MTFMT: variants seen among roughly 807,000 people sequenced by gnomAD.
MTFMT encodes methionyl-tRNA formyltransferase, mitochondrial.
Under a neutral mutation model 51.8 loss-of-function variants are expected in MTFMT, and 47 were observed. The observed-to-expected ratio is 0.91, with a 90% confidence interval of 0.72 to 1.16. MTFMT has a LOEUF of 1.16. MTFMT is among the 50% of genes most tolerant of loss of function. The probability of loss-of-function intolerance (pLI) is 0.00; values close to 1 mark genes in which losing one functional copy is unlikely to be tolerated. For synonymous variants in MTFMT, 196 were observed against 176.7 expected (o/e 1.11, Z -0.87); for missense variants, 512 against 482.3 (o/e 1.06, Z -0.58).
At chr15:65,010,779 CA>C in intron 6 of MTFMT, among the ~76,000 whole-genome samples, 1 of 152,264 alleles carries the variant, frequency 6.6e-6, no homozygotes, top group African/African-American at 2.4e-5. Flanking sequence ...GAGGAACTGC[CA>C]AACTGTTTTC....
intron 5 of MTFMT, among the ~76,000 whole-genome samples, chr15:65,017,955 T>A (rs928649619): frequency 6.6e-6 from 1 of 152,142 alleles, no homozygotes; most frequent in Admixed American, 6.6e-5. Context: ...GTTTGCTTAT[T>A]TTGGCAAAAG....
Position 65,020,276 on chromosome 15 carries a change from CAAA to C in MTFMT, c.646-7_646-5del, listed in dbSNP as rs372515409. 133 of 1,326,150 alleles carry C rather than the reference CAAA, an allele frequency of 1.0e-4. No homozygotes were observed. Among genetic ancestry groups the C allele is most frequent in the South Asian group, 4.5e-4 (34 of 75,754 alleles). The allele number at this position is 1,326,150 out of a possible 1,614,324, so 82.1% of individuals were successfully genotyped here. A position where few individuals can be genotyped will look rare whatever the true frequency, so the allele number is the denominator to read the frequency against. On this transcript the variant is annotated splice_polypyrimidine_tract_variant and splice_region_variant and intron_variant, in intron 4 of 8. Transcript: ENST00000220058. ...AATTTTTCAAAACTGAAATGAGCTA[CAAA>C]AAAAAAAAAAAGAGTGTGATATATT...
chr15:65,017,482 GTTAA>G (rs1446709956), intron 5 of MTFMT, among the ~76,000 whole-genome samples: 2 of 152,112 alleles, frequency 1.3e-5, no homozygotes, highest in African/African-American at 4.8e-5. Flanking sequence ...CATCTGTTGG[GTTAA>G]TTATGATATA....
intron 2 of MTFMT, among the ~76,000 whole-genome samples, chr15:65,024,906 A>C (rs2086408553): frequency 6.6e-6 from 1 of 152,228 alleles, no homozygotes; most frequent in African/African-American, 2.4e-5. Context: ...TGAAGAAGGA[A>C]ATAACTACGC....
intron 6 of MTFMT, among the ~76,000 whole-genome samples, chr15:65,011,220 G>A (rs1461000297): frequency 1.3e-5 from 2 of 152,240 alleles, no homozygotes; most frequent in South Asian, 4.1e-4. Flanking sequence ...TACTAGGGAG[G>A]CTGAGGCAGG....
intron 6 of MTFMT, among the ~76,000 whole-genome samples, chr15:65,013,698 T>C (rs1025329091): frequency 6.6e-6 from 1 of 152,128 alleles, no homozygotes; most frequent in Non-Finnish European, 1.5e-5. Flanking sequence ...AATGCCAGCA[T>C]GTTGGGAGGC....
rs2086323792 is a variant in MTFMT at position 65,016,543 on chromosome 15, A to G, written c.722-16T>C. The G allele has an allele frequency of 6.4e-7, 1 of 1,564,124 alleles. No individual in the cohort carries two copies. Among genetic ancestry groups the G allele is most frequent in the Non-Finnish European group, 8.8e-7 (1 of 1,135,564 alleles). On this transcript the variant is annotated splice_polypyrimidine_tract_variant and intron_variant, in intron 5 of 8. Coordinates refer to ENST00000220058, the MANE Select transcript of MTFMT (RefSeq NM_139242.4). ...ATCTTAGGGGCTACAAGATAAAACC[A>G]AGAGCAAAAATGAACATCAGGGTCA...
At chr15:65,016,098 A>G (rs1255131271) in intron 6 of MTFMT, 1 of 161,886 alleles carries the variant, frequency 6.2e-6, no homozygotes. Context: ...TAGGAGTGAG[A>G]AGATTTAAGT....
At position 65,001,836 on chromosome 15, in the gene MTFMT, A is replaced by G. The variant is rs956720057; in HGVS notation, c.*1226T>C. 2 of 152,000 alleles carry G rather than the reference A, an allele frequency of 1.3e-5. No individual in the cohort carries two copies. The highest frequency in any genetic ancestry group is 1.3e-4 in the Admixed American group (2 of 15,260). The allele number at this position is 152,000 out of a possible 1,614,324, so 9.4% of individuals were successfully genotyped here. A position where few individuals can be genotyped will look rare whatever the true frequency, so the allele number is the denominator to read the frequency against. On this transcript the variant is annotated 3_prime_UTR_variant, in exon 9 of 9. Coordinates refer to ENST00000220058, the MANE Select transcript of MTFMT (RefSeq NM_139242.4). ...AGTGTTTCACGCCACTGGACTCCAG[A>G]CTGTGTGAGAGAGCAAGACCCCATC... is the stretch of plus-strand genomic sequence containing the variant.
At position 65,006,019 on chromosome 15, in the gene MTFMT, A is replaced by G. The variant is rs181096264; in HGVS notation, c.892+94T>C. The stretch of plus-strand genomic sequence containing the variant: ...ACTGAACTGAAACAAACTAAAAGTT[A>G]TTTTTAGTAATTGTGACATATGATA... On this transcript the variant is annotated intron_variant, in intron 7 of 8. Transcript: ENST00000220058. 3.3e-5 allele frequency: 27 copies of G among 813,804 alleles called. No homozygotes were observed. In the East Asian group the frequency reaches 7.1e-4, roughly 21 times the overall value. 50.4% of individuals were successfully genotyped at this position (813,804 alleles called of 1,614,324 possible).
In MTFMT at chr15:65,020,194, C is replaced by G; in HGVS notation, c.721+3G>C. The stretch of plus-strand genomic sequence containing the variant: ...GATGAGAGTCTCTGCAGCCTTCACT[C>G]ACCGTAAGTCGCCCCCTCCATTGGC... On this transcript the variant is annotated splice_donor_region_variant and intron_variant, in intron 5 of 8. Coordinates refer to ENST00000220058, the MANE Select transcript of MTFMT (RefSeq NM_139242.4). The G allele has an allele frequency of 6.2e-7, 1 of 1,611,310 alleles. No individual in the cohort carries two copies. The highest frequency in any genetic ancestry group is 8.5e-7 in the Non-Finnish European group (1 of 1,179,090).
rs764992836 is a variant in MTFMT at position 65,026,970 on chromosome 15, G to C, written c.280C>G (p.Leu94Val). Residue 94 changes from leucine to valine, a missense_variant, in exon 2 of 9, where the codon CTG becomes GTG. Coordinates refer to ENST00000220058, the MANE Select transcript of MTFMT (RefSeq NM_139242.4). ...VTMPSPSPKG[L>V]PVKQYAVQSQ... ...TGCACAGCATATTGCTTCACTGGCAGTCCTTTTGGTGATGGGGAAGGCATT... is the reference window on the plus strand; with the variant it reads ...TGCACAGCATATTGCTTCACTGGCACTCCTTTTGGTGATGGGGAAGGCATT... The C allele has an allele frequency of 1.2e-6, 2 of 1,614,024 alleles. No individual in the cohort carries two copies. The highest frequency in any genetic ancestry group is 8.5e-7 in the Non-Finnish European group (1 of 1,179,886).
In MTFMT at chr15:65,029,578, C is replaced by T; in HGVS notation, c.36G>A (p.Pro12=). ...TCCCACGCCTGGCGCCATGAGCCAG[C>T]GGAGGACCCCAACAGCGCCGCACCA... The part of the protein sequence containing the change: ...RVLVRRCWGP[P]LAHGARRGRP... The change falls in exon 1 of 9, where the codon CCG becomes CCA. Residue 12 remains proline, a synonymous_variant. Coordinates refer to ENST00000220058, the MANE Select transcript of MTFMT (RefSeq NM_139242.4). 1 of 1,497,682 alleles carries T rather than the reference C, an allele frequency of 6.7e-7. No individual in the cohort carries two copies. Among genetic ancestry groups the T allele is most frequent in the South Asian group, 1.3e-5 (1 of 79,842 alleles). The allele number at this position is 1,497,682 out of a possible 1,614,324, so 92.8% of individuals were successfully genotyped here. A position where few individuals can be genotyped will look rare whatever the true frequency, so the allele number is the denominator to read the frequency against.
In MTFMT at chr15:65,029,598, G is replaced by A. The variant is rs199599204; in HGVS notation, c.16C>T (p.Arg6Trp). The A allele has an allele frequency of 9.3e-3, 13,227 of 1,429,500 alleles. 80 individuals are homozygous for A. The highest frequency in any genetic ancestry group is 0.011 in the Non-Finnish European group (11,789 of 1,087,102). The allele number at this position is 1,429,500 out of a possible 1,614,324, so 88.6% of individuals were successfully genotyped here. A position where few individuals can be genotyped will look rare whatever the true frequency, so the allele number is the denominator to read the frequency against. The change falls in exon 1 of 9, where the codon CGG becomes TGG. Residue 6 changes from arginine (R) to tryptophan (W), a missense_variant. By Grantham distance (101) the Arg-to-Trp change is moderately radical. Coordinates refer to ENST00000220058, the MANE Select transcript of MTFMT (RefSeq NM_139242.4). MRVLVRRCWGPPLAHG... is the reference protein window; with the variant it reads MRVLVWRCWGPPLAHG... Reference sequence around the variant, plus strand: ...GCCAGCGGAGGACCCCAACAGCGCCGCACCAACACCCTCATCGCCTCGGCC... The same window carrying A: ...GCCAGCGGAGGACCCCAACAGCGCCACACCAACACCCTCATCGCCTCGGCC...
At chr15:65,020,060 T>C in intron 5 of MTFMT, 137 bp downstream of exon 5, 1 of 731,120 alleles carries the variant, frequency 1.4e-6, no homozygotes, top group Non-Finnish European at 2.2e-6. Flanking sequence ...CTTTCTACCA[T>C]TCTTTGGAAA....
At position 65,026,805 on chromosome 15, in the gene MTFMT, T is replaced by C. The variant is rs190702635; in HGVS notation, c.419+26A>G. On this transcript the variant is annotated intron_variant, in intron 2 of 8. Transcript: ENST00000220058. Reference sequence around the variant, plus strand: ...TTTATAAAGACCAAGGTTTCTATACTGTATTTCCTTACAAATAAAACTTAC... The same window carrying C: ...TTTATAAAGACCAAGGTTTCTATACCGTATTTCCTTACAAATAAAACTTAC... 6.1e-5 allele frequency: 97 copies of C among 1,592,686 alleles called. No individual in the cohort carries two copies. The East Asian group carries it at 1.8e-3, about 30-fold the overall frequency.
rs563357274 is a variant in MTFMT, at chr15:65,020,813, G to A, written c.646-541C>T. 4.3e-4 allele frequency among the ~76,000 whole-genome samples: 66 copies of A among 152,308 alleles called. No individual in the cohort carries two copies. The South Asian group carries it at 0.013, about 30-fold the overall frequency. ...ACAGCAACAACTACCTCAAAGTTGA[G>A]AGGGTAAAAAGAAAAAGTCCATACA... is the stretch of plus-strand genomic sequence containing the variant. On this transcript the variant is annotated intron_variant, in intron 4 of 8. Transcript: ENST00000220058.
At chr15:65,014,593 T>C (rs1254787628) in intron 6 of MTFMT, among the ~76,000 whole-genome samples, 1 of 151,630 alleles carries the variant, frequency 6.6e-6, no homozygotes, top group Non-Finnish European at 1.5e-5. Context: ...CCCAAAGTGC[T>C]GAGATAACAG....
intron 1 of MTFMT, among the ~76,000 whole-genome samples, chr15:65,027,769 A>G (rs1381884302): frequency 6.6e-6 from 1 of 152,234 alleles, no homozygotes; most frequent in Non-Finnish European, 1.5e-5. Context: ...GAAGGAACTG[A>G]AAACAGTGGC....
Sources: gnomAD v4.1 joint callset for allele counts (sites outside exome capture counted in the v4.1 genomes callset) on GRCh38, gnomAD v4.1.1 for gene constraint, MANE v1.5 for transcripts, NCBI Gene and HGNC (gene_info 2026-07-23, HGNC 2026-07-21) for gene names.